Variants in ACOXL observed in about 807,000 individuals in gnomAD.
ACOXL encodes acyl-CoA oxidase like, also known as acyl-coenzyme A oxidase-like protein.
In ACOXL, 70 loss-of-function variants were observed where a neutral mutation model predicts 71.9. That is an observed-to-expected ratio of 0.97 (90% confidence interval 0.80 to 1.19). The LOEUF is 1.19. ACOXL is among the 50% of genes most tolerant of loss of function. ACOXL has a pLI of 0.00. For missense variants in ACOXL, 703 were observed against 736.3 expected (o/e 0.95, Z 0.52); for synonymous variants, 253 against 281.6 (o/e 0.90, Z 1.02).
chr2:111,029,600 G>C (rs2065173452), intron 14 of ACOXL, among the ~76,000 whole-genome samples: 1 of 152,192 alleles, frequency 6.6e-6, no homozygotes, highest in South Asian at 2.1e-4. Context: ...GGGGACAGAG[G>C]CTTCTCAGTC....
At chr2:110,862,288 A>C (rs1396896190) in intron 10 of ACOXL, among the ~76,000 whole-genome samples, 1 of 152,156 alleles carries the variant, frequency 6.6e-6, no homozygotes, top group Non-Finnish European at 1.5e-5. Context: ...ATTTCACCTG[A>C]TTTCTGGAGA....
chr2:110,804,247 G>A (rs918621900), intron 8 of ACOXL, among the ~76,000 whole-genome samples: 1 of 152,000 alleles, frequency 6.6e-6, no homozygotes, highest in Non-Finnish European at 1.5e-5. Context: ...TCAGCCTCCC[G>A]AAGTGCTAGG....
At chr2:110,830,926 ATT>A (rs957255066) in intron 9 of ACOXL, among the ~76,000 whole-genome samples, 1 of 152,246 alleles carries the variant, frequency 6.6e-6, no homozygotes, top group Non-Finnish European at 1.5e-5. Flanking sequence ...ATTTGACAAA[ATT>A]CAGCACCAAT....
intron 11 of ACOXL, among the ~76,000 whole-genome samples, chr2:110,928,399 G>C (rs190418713): frequency 6.6e-6 from 1 of 152,256 alleles, no homozygotes; most frequent in Non-Finnish European, 1.5e-5. Flanking sequence ...ATAAATGAAT[G>C]AGTGTAATAA....
chr2:110,807,899 T>A (rs1198121357), intron 9 of ACOXL, among the ~76,000 whole-genome samples: 1 of 152,174 alleles, frequency 6.6e-6, no homozygotes, highest in Non-Finnish European at 1.5e-5. Flanking sequence ...TCACCGCAGC[T>A]CCCCACAGTG....
chr2:110,939,865 G>A (rs2060803795), intron 12 of ACOXL, among the ~76,000 whole-genome samples: 1 of 152,178 alleles, frequency 6.6e-6, no homozygotes, highest in Non-Finnish European at 1.5e-5. Context: ...TGTTCTTCCA[G>A]TGTGGCCCAG....
chr2:110,771,464 G>T (rs1052795142), intron 2 of ACOXL, among the ~76,000 whole-genome samples: 2 of 152,098 alleles, frequency 1.3e-5, no homozygotes, highest in Admixed American at 1.3e-4. Flanking sequence ...GGCAGAACGC[G>T]GTGTATAATG....
At chr2:110,915,260 A>G (rs1376908157) in intron 11 of ACOXL, among the ~76,000 whole-genome samples, 5 of 150,764 alleles carry the variant, frequency 3.3e-5, no homozygotes, top group East Asian at 1.9e-4. Context: ...CCTTCATTCT[A>G]TTAAGAAATG....
intron 15 of ACOXL, among the ~76,000 whole-genome samples, chr2:111,048,337 C>G (rs536752065): frequency 6.6e-6 from 1 of 152,180 alleles, no homozygotes; most frequent in South Asian, 2.1e-4. Context: ...AAAGAGTGAA[C>G]GCAGCTTTGA....
chr2:111,069,923 A>G (rs921927856), intron 16 of ACOXL, among the ~76,000 whole-genome samples: 4 of 151,944 alleles, frequency 2.6e-5, no homozygotes, highest in African/African-American at 9.7e-5. Context: ...CTGCAACACC[A>G]CAAGGGGGAC....
At chr2:111,050,310 C>T (rs2066230279) in intron 16 of ACOXL, among the ~76,000 whole-genome samples, 1 of 151,756 alleles carries the variant, frequency 6.6e-6, no homozygotes, top group Non-Finnish European at 1.5e-5. Context: ...TAAAGAAGCG[C>T]TGCTCATACC....
chr2:110,776,610 G>A (rs1682684704), intron 2 of ACOXL, among the ~76,000 whole-genome samples: 1 of 152,052 alleles, frequency 6.6e-6, no homozygotes, highest in African/African-American at 2.4e-5. Flanking sequence ...GGCCTAAGGT[G>A]GGAGTGTCCT....
At chr2:110,956,990 C>A (rs772580726) in intron 12 of ACOXL, among the ~76,000 whole-genome samples, 9 of 152,124 alleles carry the variant, frequency 5.9e-5, no homozygotes, top group Non-Finnish European at 1.2e-4. Context: ...TCCCAGAGCC[C>A]AGGTTCTGGC....
At chr2:110,883,878 A>G (rs1314911068) in intron 10 of ACOXL, among the ~76,000 whole-genome samples, 4 of 152,222 alleles carry the variant, frequency 2.6e-5, no homozygotes, top group Admixed American at 2.6e-4. Context: ...ATATTAAAGA[A>G]TTGCATTATT....
At chr2:110,883,298 C>A (rs904416208) in intron 10 of ACOXL, among the ~76,000 whole-genome samples, 1 of 151,764 alleles carries the variant, frequency 6.6e-6, no homozygotes, top group African/African-American at 2.4e-5. Context: ...TTAGTGGAGA[C>A]GGGGTTTCAT....
intron 14 of ACOXL, among the ~76,000 whole-genome samples, chr2:111,000,518 G>A (rs2063576114): frequency 6.6e-6 from 1 of 152,176 alleles, no homozygotes; most frequent in Admixed American, 6.5e-5. Flanking sequence ...CACAGACTAG[G>A]TGGCTTAAAA....
At chr2:110,841,802 G>A (rs745417987) in intron 10 of ACOXL, among the ~76,000 whole-genome samples, 1 of 152,036 alleles carries the variant, frequency 6.6e-6, no homozygotes, top group African/African-American at 2.4e-5. Flanking sequence ...TCCATGCCAG[G>A]CCTCTCTCTC....
intron 3 of ACOXL, among the ~76,000 whole-genome samples, chr2:110,788,206 A>G (rs1247276761): frequency 1.3e-5 from 2 of 152,250 alleles, no homozygotes; most frequent in South Asian, 2.1e-4. Flanking sequence ...TTGCAGCATG[A>G]TTCACAATAG....
At chr2:111,084,177 A>G (rs938848017) in intron 16 of ACOXL, among the ~76,000 whole-genome samples, 2 of 151,810 alleles carry the variant, frequency 1.3e-5, no homozygotes, top group Non-Finnish European at 2.9e-5. Context: ...AAAATAAAAA[A>G]CGGTTATGAT....
Sources: allele counts gnomAD v4.1 joint callset (sites outside exome capture counted in the v4.1 genomes callset), GRCh38; gene constraint gnomAD v4.1.1; transcripts MANE v1.5; gene names NCBI Gene and HGNC (gene_info 2026-07-23, HGNC 2026-07-21).